The following BRSK1 variants were observed in gnomAD, a reference collection of about 807,000 sequenced individuals.
The protein encoded by BRSK1 is serine/threonine-protein kinase BRSK1.
BRSK1 carries 17 observed loss-of-function variants against 86.2 expected under a neutral mutation model. That is an observed-to-expected ratio of 0.20 (90% CI 0.14 to 0.30). The LOEUF is 0.30. Ranked by LOEUF, BRSK1 falls within the 10% of genes least tolerant of loss-of-function variation. The pLI is 1.00. For missense variants in BRSK1, 719 were observed against 1,071.9 expected (o/e 0.67, Z 4.60); for synonymous variants, 464 against 440.1 (o/e 1.05, Z -0.68).
intron 4 of BRSK1, among the ~76,000 whole-genome samples, chr19:55,293,661 A>C (rs1189171508): frequency 2.0e-5 from 3 of 149,728 alleles, no homozygotes; most frequent in African/African-American, 7.4e-5. Flanking sequence ...AAATACAAAA[A>C]TTAGCTGGGC....
At position 55,310,927 on chromosome 19, in the gene BRSK1, G is replaced by T. The variant is rs1443832329; in HGVS notation, c.2180-984G>T. Among the ~76,000 whole-genome samples, 1 of 152,066 alleles carries T rather than the reference G, an allele frequency of 6.6e-6. No homozygotes were observed. The highest frequency in any genetic ancestry group is 6.6e-5 in the Admixed American group (1 of 15,266). On this transcript the variant is annotated intron_variant, in intron 18 of 18. Transcript: ENST00000309383. The surrounding 1 kb of genome is among the most constrained non-coding windows in gnomAD (Gnocchi z 5.0). ...AATGGGGTGGGGGGTGCAGGCCTCC[G>T]AGTCACCGTGGTTGCTATGACAAGC...
In BRSK1 at chr19:55,299,371, GT is replaced by G. The variant is rs869145852; in HGVS notation, c.679-2130del. On this transcript the variant is annotated intron_variant, in intron 7 of 18. Transcript: ENST00000309383. ...TGTATTGTTGTTATAATTTGTTTTG[GT>G]TTTTTTTTTTGTTTTGTTTTTTGTT... 5.2e-4 allele frequency among the ~76,000 whole-genome samples: 69 copies of G among 132,654 alleles called. No homozygotes were observed. The East Asian group carries it at 7.7e-3, about 15-fold the overall frequency. 87.0% of individuals were successfully genotyped at this position (132,654 alleles called of 152,430 possible). A position where few individuals can be genotyped will look rare whatever the true frequency, so the allele number is the denominator to read the frequency against.
Position 55,284,096 on chromosome 19 carries a change from G to T in BRSK1, c.-347G>T. On this transcript the variant is annotated 5_prime_UTR_variant, in exon 1 of 19. Transcript: ENST00000309383. ...AGAGAGGGCGCGTGGGGGGGCGGGGGGGACCTCGGCCTGCAGCATCCGCCG... is the reference window on the plus strand; with the variant it reads ...AGAGAGGGCGCGTGGGGGGGCGGGGTGGACCTCGGCCTGCAGCATCCGCCG... 3 of 391,166 alleles carry T rather than the reference G, an allele frequency of 7.7e-6. No individual in the cohort carries two copies. The highest frequency in any genetic ancestry group is 1.3e-5 in the Non-Finnish European group (3 of 226,930). 24.2% of individuals were successfully genotyped at this position (391,166 alleles called of 1,614,324 possible).
In BRSK1 at chr19:55,302,191, C is replaced by G; in HGVS notation, c.857+23C>G. 1 of 1,613,870 alleles carries G rather than the reference C, an allele frequency of 6.2e-7. No individual in the cohort carries two copies. Among genetic ancestry groups the G allele is most frequent in the Non-Finnish European group, 8.5e-7 (1 of 1,179,858 alleles). On this transcript the variant is annotated intron_variant, in intron 9 of 18. Transcript: ENST00000309383. This position sits in a 1 kb window ranked among gnomAD's most constrained non-coding sequence, Gnocchi z 6.3. The stretch of plus-strand genomic sequence containing the variant: ...CCTGTGAGTATGGGGTAACTGGACT[C>G]TTGGGTCCCTGGCGGAAATAGGGGA...
Position 55,301,069 on chromosome 19 carries a change from C to T in BRSK1, c.679-443C>T, listed in dbSNP as rs115945291. 3.0e-3 allele frequency among the ~76,000 whole-genome samples: 463 copies of T among 152,318 alleles called. 1 individual carries two copies. Among genetic ancestry groups the T allele is most frequent in the African/African-American group, 0.01 (435 of 41,562 alleles). On this transcript the variant is annotated intron_variant, in intron 7 of 18. Coordinates refer to ENST00000309383, the MANE Select transcript of BRSK1 (RefSeq NM_032430.2). Reference sequence around the variant, plus strand: ...CACCAGTCATTGATTTAGGGCTCAGCCTCATTCAGGTCTCTGCTCCCATTG... The same window carrying T: ...CACCAGTCATTGATTTAGGGCTCAGTCTCATTCAGGTCTCTGCTCCCATTG...
chr19:55,295,477 C>A (rs74530781), intron 7 of BRSK1, among the ~76,000 whole-genome samples: 1 of 152,082 alleles, frequency 6.6e-6, no homozygotes, highest in Admixed American at 6.5e-5. Flanking sequence ...AACCAACAGA[C>A]CAAGATCCTG....
In BRSK1 at chr19:55,304,073, C is replaced by A. The variant is rs1179003070; in HGVS notation, c.1310C>A (p.Ser437Tyr). ...AGATCCCGTAGCGTCAGTGGAGCCTCCACGGGTCTGTCCTCCAGCCCTCTA... is the reference window on the plus strand; with the variant it reads ...AGATCCCGTAGCGTCAGTGGAGCCTACACGGGTCTGTCCTCCAGCCCTCTA... The part of the protein sequence containing the change: ...SQRSRSVSGA[S>Y]TGLSSSPLSS... The change falls in exon 13 of 19, where the codon TCC (serine) becomes TAC (tyrosine). Residue 437 changes from serine (S) to tyrosine (Y), a missense_variant. Physicochemically the swap from Ser to Tyr is moderately radical, Grantham distance 144. This residue lies in a region of BRSK1 where 168 missense variants were observed against 246.3 expected (regional missense o/e 0.68). Coordinates refer to ENST00000309383, the MANE Select transcript of BRSK1 (RefSeq NM_032430.2). The surrounding 1 kb of genome is among the most constrained non-coding windows in gnomAD (Gnocchi z 5.2). 1 of 1,612,652 alleles carries A rather than the reference C, an allele frequency of 6.2e-7. No homozygotes were observed.
intron 18 of BRSK1, 111 bp from the exon 19 acceptor site, chr19:55,311,800 C>T: frequency 8.7e-7 from 1 of 1,149,072 alleles, no homozygotes; most frequent in Non-Finnish European, 1.2e-6. Flanking sequence ...GGAGCTAGAG[C>T]CTCGGGGTTA....
intron 3 of BRSK1, 53 bp from the exon 4 acceptor site, chr19:55,289,427 C>T (rs993410373): frequency 9.6e-6 from 15 of 1,566,590 alleles, no homozygotes; most frequent in Non-Finnish European, 1.3e-5. Flanking sequence ...AGACCAGGCC[C>T]TTTGGTCCTC....
rs1845432589 is a variant in BRSK1, at chr19:55,306,523, C to T, written c.2089+73C>T. On this transcript the variant is annotated intron_variant, in intron 17 of 18. Transcript: ENST00000309383. This position sits in a 1 kb window ranked among gnomAD's most constrained non-coding sequence, Gnocchi z 4.7. ...ACGACAGCTGAGACAGTGTAGGGGC[C>T]CAGGAGTGCAGCAGCAGGAGGAGGA... The T allele has an allele frequency of 2.6e-6, 4 of 1,540,952 alleles. No individual in the cohort carries two copies. Among genetic ancestry groups the T allele is most frequent in the Non-Finnish European group, 3.5e-6 (4 of 1,128,578 alleles).
At chr19:55,289,810 A>G (rs1328513563) in intron 4 of BRSK1, among the ~76,000 whole-genome samples, 190 bp downstream of exon 4, 1 of 152,118 alleles carries the variant, frequency 6.6e-6, no homozygotes, top group African/African-American at 2.4e-5. Context: ...ATATATTTGC[A>G]GTGGTATACA....
Position 55,294,450 on chromosome 19 carries a change from A to ATT in BRSK1, c.678+53_678+54insTT. 2.5e-6 allele frequency: 4 copies of ATT among 1,582,462 alleles called. No homozygotes were observed. Among genetic ancestry groups the ATT allele is most frequent in the Non-Finnish European group, 3.5e-6 (4 of 1,156,844 alleles). ...TTCTAGATCAATCCCACCTGGTGGG[A>ATT]GCATAGGACAGTACCTTCCATCCTC... is the stretch of plus-strand genomic sequence containing the variant. On this transcript the variant is annotated intron_variant, in intron 7 of 18. Coordinates refer to ENST00000309383, the MANE Select transcript of BRSK1 (RefSeq NM_032430.2). The surrounding 1 kb of genome is among the most constrained non-coding windows in gnomAD (Gnocchi z 4.9).
At position 55,287,577 on chromosome 19, in the gene BRSK1, G is replaced by C. The variant is rs906179563; in HGVS notation, c.317+278G>C. Among the ~76,000 whole-genome samples the C allele has an allele frequency of 6.6e-6, 1 of 152,244 alleles. No individual in the cohort carries two copies. The highest frequency in any genetic ancestry group is 6.5e-5 in the Admixed American group (1 of 15,292). On this transcript the variant is annotated intron_variant, in intron 3 of 18. Coordinates refer to ENST00000309383, the MANE Select transcript of BRSK1 (RefSeq NM_032430.2). This position sits in a 1 kb window ranked among gnomAD's most constrained non-coding sequence, Gnocchi z 5.3. ...CGCCCTGTGGCACTGCATGGAATGC[G>C]CTCTGCTAGACAAGCAGGGTGCCCT...
chr19:55,304,030 T>TTA lies in BRSK1; in HGVS notation c.1287-20_1287-19insTA, dbSNP rs2088610360. 1 of 1,586,828 alleles carries TTA rather than the reference T, an allele frequency of 6.3e-7. No homozygotes were observed. Among genetic ancestry groups the TTA allele is most frequent in the African/African-American group, 1.4e-5 (1 of 73,722 alleles). The stretch of plus-strand genomic sequence containing the variant: ...ACCCTCCCATCTGATTTTTTTTTTT[T>TTA]AAATCTATCCTGGAAACAGATCCCG... On this transcript the variant is annotated intron_variant, in intron 12 of 18. Coordinates refer to ENST00000309383, the MANE Select transcript of BRSK1 (RefSeq NM_032430.2). This position sits in a 1 kb window ranked among gnomAD's most constrained non-coding sequence, Gnocchi z 5.2.
At position 55,303,646 on chromosome 19, in the gene BRSK1, G is replaced by T; in HGVS notation, c.1127-21G>T. ...CTGGGTGAAACCATCTCTTGATTGG[G>T]TTGAAACTGTTGTCCCTCAGACCCC... On this transcript the variant is annotated intron_variant, in intron 11 of 18. Transcript: ENST00000309383. This position sits in a 1 kb window ranked among gnomAD's most constrained non-coding sequence, Gnocchi z 5.1. 1 of 1,581,864 alleles carries T rather than the reference G, an allele frequency of 6.3e-7. No homozygotes were observed. The highest frequency in any genetic ancestry group is 1.3e-5 in the African/African-American group (1 of 74,118).
At chr19:55,284,615 C>T in intron 1 of BRSK1, 37 bp downstream of exon 1, 2 of 1,175,848 alleles carry the variant, frequency 1.7e-6, no homozygotes, top group Non-Finnish European at 2.1e-6. Flanking sequence ...GGGCGGGGGG[C>T]AGGGTGGAGG....
intron 7 of BRSK1, 55 bp from the exon 8 acceptor site, chr19:55,301,457 G>A: frequency 6.3e-7 from 1 of 1,583,262 alleles, no homozygotes; most frequent in Non-Finnish European, 8.6e-7. Flanking sequence ...CACCTCCAGT[G>A]CTTGTGGTGA....
In BRSK1 at chr19:55,304,372, C is replaced by T. The variant is rs1211661583; in HGVS notation, c.1348-179C>T. Among the ~76,000 whole-genome samples, 1 of 152,140 alleles carries T rather than the reference C, an allele frequency of 6.6e-6. No individual in the cohort carries two copies. Among genetic ancestry groups the T allele is most frequent in the East Asian group, 1.9e-4 (1 of 5,190 alleles). ...TATCTGCACCGGCTGGGTTTTCAGC[C>T]CACAGCATGATAGAAAGTCTTTGCT... On this transcript the variant is annotated intron_variant, in intron 13 of 18. Coordinates refer to ENST00000309383, the MANE Select transcript of BRSK1 (RefSeq NM_032430.2). The surrounding 1 kb of genome is among the most constrained non-coding windows in gnomAD (Gnocchi z 5.2).
At position 55,309,106 on chromosome 19, in the gene BRSK1, G is replaced by A. The variant is rs528879872; in HGVS notation, c.2179+378G>A. On this transcript the variant is annotated intron_variant, in intron 18 of 18. Transcript: ENST00000309383. ...AGAGGTTCTGGACCTCTGTCCAGGA[G>A]GACGGTGACCCACCGTCCTGGTTTG... Among the ~76,000 whole-genome samples, 245 of 152,224 alleles carry A rather than the reference G, an allele frequency of 1.6e-3. 1 individual carries two copies. The highest frequency in any genetic ancestry group is 5.7e-3 in the African/African-American group (237 of 41,540).
Sources: allele counts gnomAD v4.1 joint callset (sites outside exome capture counted in the v4.1 genomes callset), GRCh38; gene constraint gnomAD v4.1.1; regional missense constraint gnomAD v4.1.1; non-coding constraint Gnocchi (gnomAD v3.1); transcripts MANE v1.5; gene names NCBI Gene and HGNC (gene_info 2026-07-23, HGNC 2026-07-21).